The following ANKRD30B variants were observed in gnomAD, a reference collection of about 807,000 sequenced individuals.
ANKRD30B encodes the protein ankyrin repeat domain-containing protein 30B.
ANKRD30B carries 144 observed loss-of-function variants against 202.2 expected under a neutral mutation model. The observed-to-expected ratio is 0.71, with a 90% CI of 0.62 to 0.82. The LOEUF (loss-of-function observed/expected upper bound fraction) is 0.82, where lower values mean the gene tolerates loss of function less well. Among genes scored for constraint, ANKRD30B ranks in the 40% least tolerant of loss-of-function variants. The pLI is 0.00. For missense variants in ANKRD30B, 1,487 were observed against 1,669.1 expected (o/e 0.89, Z 1.90); for synonymous variants, 508 against 561.3 (o/e 0.91, Z 1.34).
In ANKRD30B at chr18:14,799,374, A is replaced by C. The variant is rs1969163175; in HGVS notation, c.2131+79A>C. 15 of 1,291,078 alleles carry C rather than the reference A, an allele frequency of 1.2e-5. No homozygotes were observed. In the Middle Eastern group the frequency reaches 8.3e-4, roughly 71 times the overall value. 80.0% of individuals were successfully genotyped at this position (1,291,078 alleles called of 1,614,324 possible). On this transcript the variant is annotated intron_variant, in intron 22 of 43. Coordinates refer to ENST00000690538, the MANE Select transcript of ANKRD30B (RefSeq NM_001367607.2). Reference sequence around the variant, plus strand: ...AAATGCTGAGCACCTTTTTATTCCCAATGTTGTTTTCTTTTCAAAATTGGA... The same window carrying C: ...AAATGCTGAGCACCTTTTTATTCCCCATGTTGTTTTCTTTTCAAAATTGGA...
At chr18:14,893,808 T>TGTG in the ANKRD30B span, among the ~76,000 whole-genome samples, 1 of 150,982 alleles carries the variant, frequency 6.6e-6, no homozygotes, top group African/African-American at 2.4e-5. Flanking sequence ...AGGCTGTCTT[T>TGTG]CTTTGTGGAT....
At chr18:14,820,177 G>A (rs559536263) in intron 30 of ANKRD30B, among the ~76,000 whole-genome samples, 76 of 152,222 alleles carry the variant, frequency 5.0e-4, no homozygotes, top group African/African-American at 1.6e-3. Context: ...TGTTATTGGT[G>A]TATAAGAATG....
At chr18:14,788,662 G>C (rs1968255394) in intron 15 of ANKRD30B, among the ~76,000 whole-genome samples, 1 of 151,330 alleles carries the variant, frequency 6.6e-6, no homozygotes, top group Non-Finnish European at 1.5e-5. Flanking sequence ...TTTTGTTGTT[G>C]CAATAGTTTA....
intron 34 of ANKRD30B, among the ~76,000 whole-genome samples, chr18:14,832,786 C>G (rs767660077): frequency 2.6e-5 from 4 of 151,966 alleles, no homozygotes; most frequent in Non-Finnish European, 5.9e-5. Flanking sequence ...TGTGCGTTAT[C>G]TTGAGAAAAT....
At chr18:14,787,618 A>G (rs983731979) in intron 15 of ANKRD30B, among the ~76,000 whole-genome samples, 1 of 152,242 alleles carries the variant, frequency 6.6e-6, no homozygotes, top group African/African-American at 2.4e-5. Context: ...CATGAGGAAT[A>G]GGAAACCTTG....
chr18:14,855,947 C>T (rs1240492834), downstream of ANKRD30B, among the ~76,000 whole-genome samples: 4 of 145,282 alleles, frequency 2.8e-5, no homozygotes, highest in Admixed American at 6.9e-5. Flanking sequence ...CTGGCAGAGG[C>T]GCTCCTCACC....
the ANKRD30B span, among the ~76,000 whole-genome samples, chr18:14,907,964 G>GA: frequency 5.9e-5 from 9 of 151,654 alleles, no homozygotes; most frequent in African/African-American, 2.2e-4. Context: ...TACATTAACA[G>GA]AAAAAAAAGG....
the ANKRD30B span, among the ~76,000 whole-genome samples, chr18:14,916,909 G>T: frequency 1.2e-4 from 19 of 152,290 alleles, no homozygotes; most frequent in African/African-American, 4.6e-4. Flanking sequence ...CAGTGACTTG[G>T]CTAAAGTCCC....
chr18:14,776,244 T>C (rs1967343338), intron 9 of ANKRD30B, among the ~76,000 whole-genome samples: 1 of 152,170 alleles, frequency 6.6e-6, no homozygotes, highest in African/African-American at 2.4e-5. Context: ...TGCTAGGCAG[T>C]GAGTCTGAAT....
rs754417829 is a variant in ANKRD30B, at chr18:14,796,235, G to A, written c.1840G>A (p.Asp614Asn). ...SGKLEESPVK[D>N]GLLKPTCGRK... is the part of the protein sequence containing the mutation. ...TTTACGTTTAGAGTCTCCTGTTAAA[G>A]ATGGTCTTCTGAAGGTAATAACTTT... Residue 614 changes from aspartate to asparagine, a missense_variant, in exon 17 of 44, where the codon GAT becomes AAT. Physicochemically the swap from Asp to Asn is conservative, Grantham distance 23. This residue lies in a region of ANKRD30B where 889 missense variants were observed against 841.4 expected (regional missense o/e 1.06). Transcript: ENST00000690538. 8 of 1,601,964 alleles carry A rather than the reference G, an allele frequency of 5.0e-6. No individual in the cohort carries two copies. The African/African-American group carries it at 8.1e-5, about 16-fold the overall frequency.
chr18:14,818,096 T>G lies in ANKRD30B; in HGVS notation c.2641+3385T>G, dbSNP rs1295678641. Among the ~76,000 whole-genome samples, 3 of 152,156 alleles carry G rather than the reference T, an allele frequency of 2.0e-5. No homozygotes were observed. In the East Asian group the frequency reaches 5.8e-4, roughly 29 times the overall value. On this transcript the variant is annotated intron_variant, in intron 30 of 43. Transcript: ENST00000690538. ...AAATGAGAGATTAAGCATGTTTTAT[T>G]CATATTATTTGATGAAAGGAGATAT...
rs561783110 is a variant in ANKRD30B, at chr18:14,787,021, G to C, written c.1673-18G>C. The C allele has an allele frequency of 6.2e-6, 10 of 1,602,250 alleles. No individual in the cohort carries two copies. The African/African-American group carries it at 8.1e-5, about 13-fold the overall frequency. On this transcript the variant is annotated intron_variant, in intron 14 of 43. Transcript: ENST00000690538. The stretch of plus-strand genomic sequence containing the variant: ...GAGAAATGTTCTCATGAATACATCT[G>C]TGATTAACCTTTTATAGCTCAGATG...
chr18:14,767,775 A>G (rs1175475170), intron 7 of ANKRD30B, among the ~76,000 whole-genome samples: 1 of 152,178 alleles, frequency 6.6e-6, no homozygotes, highest in Admixed American at 6.6e-5. Flanking sequence ...TGATGTCTTT[A>G]TATTTCATCA....
chr18:14,815,556 G>A lies in ANKRD30B; in HGVS notation c.2641+845G>A, dbSNP rs1446636607. Among the ~76,000 whole-genome samples the A allele has an allele frequency of 2.6e-5, 4 of 152,174 alleles. No homozygotes were observed. In the East Asian group the frequency reaches 5.8e-4, roughly 22 times the overall value. ...GAGAGGCCTTTCATGGGAGAAATGT[G>A]GAAGAAGAGTAATTGGATAAAGGGT... is the stretch of plus-strand genomic sequence containing the variant. On this transcript the variant is annotated intron_variant, in intron 30 of 43. Transcript: ENST00000690538.
At chr18:14,884,613 T>G in the ANKRD30B span, among the ~76,000 whole-genome samples, 1 of 151,954 alleles carries the variant, frequency 6.6e-6, no homozygotes, top group African/African-American at 2.4e-5. Context: ...CTCTCATAAA[T>G]TCAATGATAA....
chr18:14,902,678 T>A, the ANKRD30B span, among the ~76,000 whole-genome samples: 4 of 152,168 alleles, frequency 2.6e-5, no homozygotes, highest in African/African-American at 9.6e-5. Context: ...CTTTAGTTCC[T>A]CAGCCGTGAG....
chr18:14,751,722 T>A (rs986090578), intron 1 of ANKRD30B, among the ~76,000 whole-genome samples: 2 of 152,190 alleles, frequency 1.3e-5, no homozygotes, highest in Non-Finnish European at 2.9e-5. Flanking sequence ...TTGAAGTTTT[T>A]AAAATCTTGA....
At chr18:14,774,640 A>G (rs1336857098) in intron 9 of ANKRD30B, among the ~76,000 whole-genome samples, 1 of 152,204 alleles carries the variant, frequency 6.6e-6, no homozygotes, top group Non-Finnish European at 1.5e-5. Context: ...ATGCAAACCC[A>G]GTTAAATAAG....
chr18:14,904,244 A>T, the ANKRD30B span, among the ~76,000 whole-genome samples: 1 of 152,216 alleles, frequency 6.6e-6, no homozygotes, highest in South Asian at 2.1e-4. Context: ...CAGAGCTATA[A>T]AAGGCAGAGG....
Sources: gnomAD v4.1 joint callset for allele counts (sites outside exome capture counted in the v4.1 genomes callset) on GRCh38, gnomAD v4.1.1 for gene constraint, gnomAD v4.1.1 regional missense constraint, MANE v1.5 for transcripts, NCBI Gene and HGNC (gene_info 2026-07-23, HGNC 2026-07-21) for gene names.